Variants in SWAP70 observed in about 807,000 individuals in gnomAD.
The protein encoded by SWAP70 is switch-associated protein 70.
In SWAP70, 34 loss-of-function variants were observed where a neutral mutation model predicts 80.2. That is an observed-to-expected ratio of 0.42 (90% confidence interval 0.32 to 0.56). The LOEUF (loss-of-function observed/expected upper bound fraction) is 0.56. SWAP70 is among the 20% of genes least tolerant of loss of function. The pLI is 0.09. For missense variants in SWAP70, 578 were observed against 690.7 expected (o/e 0.84, Z 1.83); for synonymous variants, 239 against 238.5 (o/e 1.00, Z -0.02).
intron 6 of SWAP70, among the ~76,000 whole-genome samples, chr11:9,730,833 A>G (rs1851288801): frequency 6.6e-6 from 1 of 152,222 alleles, no homozygotes; most frequent in Non-Finnish European, 1.5e-5. Context: ...TTACATGGGT[A>G]TATGTGTAAT....
intron 2 of SWAP70, among the ~76,000 whole-genome samples, chr11:9,707,744 C>T (rs190026731): frequency 5.9e-5 from 9 of 151,730 alleles, no homozygotes; most frequent in East Asian, 1.9e-4. Flanking sequence ...TTTGTAGAGA[C>T]GCGGTATCAC....
In SWAP70 at chr11:9,677,828, A is replaced by G. The variant is rs910972824; in HGVS notation, c.99+13550A>G. On this transcript the variant is annotated intron_variant, in intron 1 of 11. Coordinates refer to ENST00000318950, the MANE Select transcript of SWAP70 (RefSeq NM_015055.4). ...ATCTAAATGAAAAAAATTTTGATGA[A>G]CAACATGGATAGTTTAAATCTTTAG... Among the ~76,000 whole-genome samples the G allele has an allele frequency of 6.6e-5, 9 of 137,186 alleles. No individual in the cohort carries two copies. In the Admixed American group the frequency reaches 6.7e-4, roughly 10 times the overall value. The allele number at this position is 137,186 out of a possible 152,430, so 90.0% of individuals were successfully genotyped here.
chr11:9,671,342 A>T (rs1447743810), intron 1 of SWAP70, among the ~76,000 whole-genome samples: 4 of 115,756 alleles, frequency 3.5e-5, no homozygotes, highest in South Asian at 2.5e-4. Flanking sequence ...AAATATATTT[A>T]AAAATATAAA....
At chr11:9,671,108 T>C (rs1850372011) in intron 1 of SWAP70, among the ~76,000 whole-genome samples, 1 of 134,246 alleles carries the variant, frequency 7.4e-6, no homozygotes, top group Non-Finnish European at 1.5e-5. Flanking sequence ...AATATATAAA[T>C]ATAAAAATAT....
chr11:9,701,511 G>A (rs1428214988), intron 2 of SWAP70, among the ~76,000 whole-genome samples: 3 of 151,418 alleles, frequency 2.0e-5, no homozygotes, highest in Admixed American at 6.6e-5. Context: ...GGCTGGGCGT[G>A]TTAGGTTATG....
intron 1 of SWAP70, among the ~76,000 whole-genome samples, chr11:9,684,495 C>A (rs1463345321): frequency 1.3e-5 from 2 of 152,090 alleles, no homozygotes; most frequent in African/African-American, 4.8e-5. Context: ...GCTCAGAGCC[C>A]CCTCTTCTGT....
chr11:9,729,525 G>A, intron 6 of SWAP70, 74 bp downstream of exon 6: 2 of 1,136,108 alleles, frequency 1.8e-6, no homozygotes, highest in Admixed American at 4.3e-5. Context: ...CTGAGACGGA[G>A]TCTTGCTCTG....
At chr11:9,740,625 A>G in intron 9 of SWAP70, 3 of 435,594 alleles carry the variant, frequency 6.9e-6, no homozygotes, top group South Asian at 6.5e-5. Flanking sequence ...CCTTAGTCTT[A>G]TTCGAGAAAA....
At chr11:9,695,731 G>GT (rs1028052833) in intron 2 of SWAP70, among the ~76,000 whole-genome samples, 50 of 150,570 alleles carry the variant, frequency 3.3e-4, no homozygotes, top group Admixed American at 1.1e-3. Context: ...ACAGGTATCC[G>GT]TTTTTTTTTG....
At position 9,695,520 on chromosome 11, in the gene SWAP70, A is replaced by G. The variant is rs375329257; in HGVS notation, c.240+1234A>G. ...TCATCCTCAGCAAACTAACACAGTAACAGAAAACCAGACACCACGTGTTCT... is the reference window on the plus strand; with the variant it reads ...TCATCCTCAGCAAACTAACACAGTAGCAGAAAACCAGACACCACGTGTTCT... On this transcript the variant is annotated intron_variant, in intron 2 of 11. Coordinates refer to ENST00000318950, the MANE Select transcript of SWAP70 (RefSeq NM_015055.4). 3.5e-4 allele frequency among the ~76,000 whole-genome samples: 53 copies of G among 151,938 alleles called. No homozygotes were observed. In the Middle Eastern group the frequency reaches 0.01, roughly 29 times the overall value.
chr11:9,721,244 A>C (rs558898863), intron 3 of SWAP70, among the ~76,000 whole-genome samples: 3 of 152,032 alleles, frequency 2.0e-5, no homozygotes, highest in South Asian at 4.2e-4. Flanking sequence ...CTTCTCTTTA[A>C]AGAGCCAAGG....
At chr11:9,715,055 G>T (rs1473447609) in intron 3 of SWAP70, among the ~76,000 whole-genome samples, 1 of 147,482 alleles carries the variant, frequency 6.8e-6, no homozygotes, top group African/African-American at 2.5e-5. Flanking sequence ...GCTCACTGCA[G>T]CCTCAACCTC....
chr11:9,672,530 A>ATTTTTTTTTTTTTT (rs58704706), intron 1 of SWAP70, among the ~76,000 whole-genome samples: 1 of 88,380 alleles, frequency 1.1e-5, no homozygotes, highest in Non-Finnish European at 2.1e-5. Flanking sequence ...CACCTGGCTA[A>ATTTTTTTTTTTTTT]TTTTTTTTTT....
In SWAP70 at chr11:9,740,327, A is replaced by G. The variant is rs1456846735; in HGVS notation, c.1335A>G (p.Thr445=). Residue 445 remains threonine (T), a synonymous_variant, in exon 9 of 12, where the codon ACA becomes ACG. Transcript: ENST00000318950. ...GACAGGCCCGGCAAGATGAAGAGAC[A>G]GTGCGGAAGCTTCAGGCCAGGTGCC... ...DERQARQDEE[T]VRKLQARLLE... 6.2e-7 allele frequency: 1 copy of G among 1,614,232 alleles called. No individual in the cohort carries two copies. Among genetic ancestry groups the G allele is most frequent in the South Asian group, 1.1e-5 (1 of 91,088 alleles).
At chr11:9,685,937 G>C (rs905100412) in intron 1 of SWAP70, among the ~76,000 whole-genome samples, 2 of 152,068 alleles carry the variant, frequency 1.3e-5, no homozygotes, top group Non-Finnish European at 2.9e-5. Flanking sequence ...TCCCGGCGAG[G>C]CCTCACCTCT....
At chr11:9,749,047 C>G in intron 10 of SWAP70, 40 bp from the exon 11 acceptor site, 2 of 1,353,568 alleles carry the variant, frequency 1.5e-6, no homozygotes, top group South Asian at 1.2e-5. Flanking sequence ...TCTTAAACTA[C>G]CCGTGTGTCT....
chr11:9,723,514 C>A (rs1851166405), intron 3 of SWAP70, among the ~76,000 whole-genome samples: 2 of 151,998 alleles, frequency 1.3e-5, no homozygotes, highest in Non-Finnish European at 2.9e-5. Context: ...AGGATTATAT[C>A]CTTGGTTTGA....
chr11:9,673,396 A>T (rs910377385), intron 1 of SWAP70, among the ~76,000 whole-genome samples: 2 of 152,220 alleles, frequency 1.3e-5, no homozygotes, highest in Non-Finnish European at 2.9e-5. Context: ...GTTGGGGTGC[A>T]CTGCCCTCCT....
At position 9,666,119 on chromosome 11, in the gene SWAP70, C is replaced by CTCAGA. The variant is rs567265025; in HGVS notation, c.99+1841_99+1842insTCAGA. On this transcript the variant is annotated intron_variant, in intron 1 of 11. Transcript: ENST00000318950. ...TTTTTTTTCTGAGACACAGTCTTGCCCTGTTGCCCAGGCTGGAGTGCGGTG... is the reference window on the plus strand; with the variant it reads ...TTTTTTTTCTGAGACACAGTCTTGCCTCAGACTGTTGCCCAGGCTGGAGTGCGGTG... Among the ~76,000 whole-genome samples the CTCAGA allele has an allele frequency of 6.8e-3, 1,018 of 150,214 alleles. 14 individuals are homozygous for CTCAGA. The highest frequency in any genetic ancestry group is 0.023 in the African/African-American group (935 of 40,828).
Sources: allele counts gnomAD v4.1 joint callset (sites outside exome capture counted in the v4.1 genomes callset), GRCh38; gene constraint gnomAD v4.1.1; transcripts MANE v1.5; gene names NCBI Gene and HGNC (gene_info 2026-07-23, HGNC 2026-07-21).